The following HHLA2 variants were observed in gnomAD, a reference collection of about 807,000 sequenced individuals.
HHLA2 encodes the protein HHLA2 member of B7 family.
HHLA2 carries 48 observed loss-of-function variants against 45.9 expected under a neutral mutation model. That is an observed-to-expected ratio of 1.05 (90% CI 0.83 to 1.33). The LOEUF (loss-of-function observed/expected upper bound fraction) is 1.33. Among genes scored for constraint, HHLA2 ranks in the 40% most tolerant of loss-of-function variants. The probability of loss-of-function intolerance (pLI) is 0.00; values close to 1 mark genes in which losing one functional copy is unlikely to be tolerated. For missense variants in HHLA2, 462 were observed against 494.3 expected (o/e 0.93, Z 0.62); for synonymous variants, 161 against 173.9 (o/e 0.93, Z 0.59).
At chr3:108,376,108 G>GA (rs1424128491) in intron 9 of HHLA2, among the ~76,000 whole-genome samples, 1 of 152,080 alleles carries the variant, frequency 6.6e-6, no homozygotes, top group African/African-American at 2.4e-5. Flanking sequence ...CATATTTTAG[G>GA]AAAGTCCATA....
chr3:108,308,174 C>G (rs1222625867), intron 1 of HHLA2, among the ~76,000 whole-genome samples: 21 of 152,206 alleles, frequency 1.4e-4, no homozygotes. Flanking sequence ...ACTACCCTTC[C>G]CAGCCTCTGG....
At chr3:108,335,018 G>A (rs879439371) in intron 3 of HHLA2, among the ~76,000 whole-genome samples, 5 of 152,204 alleles carry the variant, frequency 3.3e-5, no homozygotes, top group Non-Finnish European at 7.3e-5. Flanking sequence ...AATACTGAAT[G>A]ATTCCTGTGG....
chr3:108,318,591 C>G (rs899503507), intron 2 of HHLA2, among the ~76,000 whole-genome samples: 1 of 152,164 alleles, frequency 6.6e-6, no homozygotes, highest in African/African-American at 2.4e-5. Context: ...TTTCCCCCAA[C>G]ATCTTTTTCT....
intron 6 of HHLA2, among the ~76,000 whole-genome samples, chr3:108,357,221 A>G (rs2081909873): frequency 6.6e-6 from 1 of 152,150 alleles, no homozygotes; most frequent in African/African-American, 2.4e-5. Context: ...ACAGTCCATG[A>G]CAGTCCATAG....
intron 1 of HHLA2, among the ~76,000 whole-genome samples, chr3:108,310,001 A>T (rs1333560254): frequency 1.3e-5 from 2 of 152,130 alleles, no homozygotes; most frequent in Non-Finnish European, 2.9e-5. Context: ...TTGGGTTATA[A>T]TCTAATATTA....
chr3:108,336,386 G>A (rs1310698366), intron 3 of HHLA2, among the ~76,000 whole-genome samples: 1 of 152,102 alleles, frequency 6.6e-6, no homozygotes, highest in Non-Finnish European at 1.5e-5. Context: ...AGTGAGGAGG[G>A]ACTGATGTGT....
chr3:108,303,409 T>C (rs1186795715), intron 1 of HHLA2, among the ~76,000 whole-genome samples: 1 of 152,196 alleles, frequency 6.6e-6, no homozygotes, highest in Non-Finnish European at 1.5e-5. Flanking sequence ...TTCTGTACTT[T>C]GCTAGCTCTA....
At chr3:108,350,461 T>C (rs897677223) in intron 3 of HHLA2, among the ~76,000 whole-genome samples, 2 of 152,206 alleles carry the variant, frequency 1.3e-5, no homozygotes, top group African/African-American at 4.8e-5. Context: ...TACCAGGTTT[T>C]ATTTTGATAA....
chr3:108,302,770 C>A (rs2080870876), intron 1 of HHLA2: 1 of 152,160 alleles, frequency 6.6e-6, no homozygotes, highest in Admixed American at 6.6e-5. Flanking sequence ...TTATGCAATA[C>A]AGTCCTGAAG....
At chr3:108,358,213 T>C (rs1233192340) in intron 7 of HHLA2, 52 bp downstream of exon 6, 1 of 1,311,868 alleles carries the variant, frequency 7.6e-7, no homozygotes, top group Non-Finnish European at 1.1e-6. Context: ...CATTAGAGGT[T>C]TGTGAATATC....
intron 3 of HHLA2, among the ~76,000 whole-genome samples, chr3:108,334,707 A>T (rs1480067890): frequency 6.6e-6 from 1 of 152,200 alleles, no homozygotes; most frequent in Admixed American, 6.5e-5. Context: ...TTTGCAACAG[A>T]GGGGATTTAA....
At chr3:108,346,696 G>A (rs1017439752) in intron 3 of HHLA2, among the ~76,000 whole-genome samples, 4 of 152,148 alleles carry the variant, frequency 2.6e-5, no homozygotes, top group African/African-American at 7.2e-5. Flanking sequence ...TTTTTATCGT[G>A]TACAACATGA....
intron 1 of HHLA2, among the ~76,000 whole-genome samples, chr3:108,309,686 A>T (rs1003678152): frequency 6.6e-6 from 1 of 152,146 alleles, no homozygotes; most frequent in African/African-American, 2.4e-5. Context: ...CCCTTATCAC[A>T]TGTAGGGATA....
Position 108,310,748 on chromosome 3 carries a change from A to G in HHLA2, c.-105+7A>G, listed in dbSNP as rs904004338. 13 of 152,554 alleles carry G rather than the reference A, an allele frequency of 8.5e-5. No individual in the cohort carries two copies. Among genetic ancestry groups the G allele is most frequent in the Non-Finnish European group, 1.8e-4 (12 of 68,004 alleles). 9.5% of individuals were successfully genotyped at this position (152,554 alleles called of 1,614,324 possible). A position where few individuals can be genotyped will look rare whatever the true frequency, so the allele number is the denominator to read the frequency against. ...AATTGGATTTGGGGAAGAGGTGAGT[A>G]TTTGCTATACTATATTTTACTCTAT... On this transcript the variant is annotated splice_region_variant and intron_variant, in intron 2 of 10. Coordinates refer to ENST00000619531, the Ensembl canonical transcript of HHLA2.
At chr3:108,376,011 T>A (rs2082268891) in intron 9 of HHLA2, among the ~76,000 whole-genome samples, 1 of 152,224 alleles carries the variant, frequency 6.6e-6, no homozygotes, top group African/African-American at 2.4e-5. Flanking sequence ...TGTAGTTTCA[T>A]GACTGTGGTT....
At chr3:108,369,196 C>A (rs1008701874) in intron 8 of HHLA2, among the ~76,000 whole-genome samples, 1 of 152,112 alleles carries the variant, frequency 6.6e-6, no homozygotes, top group African/African-American at 2.4e-5. Context: ...ACACAACGTA[C>A]CAGAATCTCT....
At chr3:108,376,350 C>T in intron 9 of HHLA2, 143 bp from the exon 9 acceptor site, 1 of 604,202 alleles carries the variant, frequency 1.7e-6, no homozygotes, top group East Asian at 3.0e-5. Context: ...ACACTGAATG[C>T]ATTTTTCATG....
At chr3:108,356,053 G>T (rs1381743227) in intron 6 of HHLA2, among the ~76,000 whole-genome samples, 22 of 116,524 alleles carry the variant, frequency 1.9e-4, no homozygotes, top group Admixed American at 3.9e-4. Flanking sequence ...TTTTTGAGAT[G>T]GAGTCTCCCT....
chr3:108,326,883 C>A (rs552342287), intron 2 of HHLA2: 1 of 152,288 alleles, frequency 6.6e-6, no homozygotes, highest in East Asian at 1.9e-4. Flanking sequence ...AGCTAGTCTA[C>A]TTATTTAAAT....
Sources: allele counts gnomAD v4.1 joint callset (sites outside exome capture counted in the v4.1 genomes callset), GRCh38; gene constraint gnomAD v4.1.1; transcripts MANE v1.5; gene names NCBI Gene and HGNC (gene_info 2026-07-23, HGNC 2026-07-21).